Variants in SORBS2 observed in about 807,000 individuals in gnomAD.
SORBS2 encodes sorbin and SH3 domain containing 2.
Under a neutral mutation model 97.7 loss-of-function variants are expected in SORBS2, and 46 were observed. That is an observed-to-expected ratio of 0.47 (90% CI 0.37 to 0.60). The LOEUF (loss-of-function observed/expected upper bound fraction) is 0.60. Among genes scored for constraint, SORBS2 ranks in the 20% least tolerant of loss-of-function variants. The pLI, the probability that SORBS2 is intolerant of heterozygous loss-of-function variation, is 0.00. For synonymous variants in SORBS2, 476 were observed against 473.4 expected, an observed-to-expected ratio of 1.01 and a Z score of -0.07; for missense variants, 1,316 against 1,282.3, an observed-to-expected ratio of 1.03 and a Z score of -0.40.
chr4:185,753,827 C>T (rs2098814999), intron 2 of SORBS2, among the ~76,000 whole-genome samples: 1 of 152,044 alleles, frequency 6.6e-6, no homozygotes, highest in Non-Finnish European at 1.5e-5. Context: ...AAAATTTACC[C>T]CTGAATGCTT....
At chr4:185,797,161 C>A (rs2099108571) in intron 1 of SORBS2, among the ~76,000 whole-genome samples, 2 of 152,222 alleles carry the variant, frequency 1.3e-5, no homozygotes, top group Non-Finnish European at 2.9e-5. Context: ...TCGAGTAGAG[C>A]TGTCTGTGCC....
intron 4 of SORBS2, chr4:185,677,004 C>T: frequency 6.5e-7 from 1 of 1,550,000 alleles, no homozygotes; most frequent in South Asian, 1.2e-5. Flanking sequence ...TACCACTCTG[C>T]AGTCTGAGGA....
chr4:185,952,169 C>G (rs921548441), intron 1 of SORBS2, among the ~76,000 whole-genome samples: 6 of 151,988 alleles, frequency 3.9e-5, no homozygotes, highest in Non-Finnish European at 5.9e-5. Flanking sequence ...GGATCACAGG[C>G]GTGTGCCACC....
intron 4 of SORBS2, 82 bp from the exon 15 acceptor site, chr4:185,638,244 C>G: frequency 5.9e-6 from 5 of 845,888 alleles, no homozygotes; most frequent in Non-Finnish European, 8.0e-6. Flanking sequence ...GAAAAACTCA[C>G]GCGCGCATTG....
chr4:185,941,726 A>T (rs1387097352), intron 1 of SORBS2, among the ~76,000 whole-genome samples: 1 of 152,202 alleles, frequency 6.6e-6, no homozygotes, highest in East Asian at 1.9e-4. Flanking sequence ...AATCTTGCAT[A>T]ACACATTTCA....
At chr4:185,825,603 G>A (rs941576284) in intron 1 of SORBS2, among the ~76,000 whole-genome samples, 3 of 152,104 alleles carry the variant, frequency 2.0e-5, no homozygotes, top group Non-Finnish European at 2.9e-5. Context: ...CATTGATCTA[G>A]GATAAATCAT....
In SORBS2 at chr4:185,616,411, C is replaced by T. The variant is rs1023452258; in HGVS notation, c.2352-1252G>A. Among the ~76,000 whole-genome samples, 6 of 152,340 alleles carry T rather than the reference C, an allele frequency of 3.9e-5. No individual in the cohort carries two copies. In the East Asian group the frequency reaches 1.2e-3, roughly 29 times the overall value. On this transcript the variant is annotated intron_variant, in intron 9 of 14. Transcript: ENST00000418609. ...ATTCATGGAGCTTTACATTCAAATA[C>T]AGTGCTTCCTTCTTTTGTGCAAATG...
At chr4:185,912,350 C>G (rs9995155) in intron 1 of SORBS2, among the ~76,000 whole-genome samples, 2 of 151,840 alleles carry the variant, frequency 1.3e-5, no homozygotes, top group African/African-American at 4.8e-5. Context: ...TTTGGAAGGC[C>G]GAGGCGGGTG....
At chr4:185,601,503 A>G (rs77831165) in intron 12 of SORBS2, among the ~76,000 whole-genome samples, 1,827 of 152,278 alleles carry the variant, frequency 0.012, 44 homozygotes, top group African/African-American at 0.042. Flanking sequence ...ATGAGCCCAC[A>G]TCAGATGGAA....
intron 12 of SORBS2, among the ~76,000 whole-genome samples, chr4:185,601,754 G>A (rs1028660966): frequency 1.3e-5 from 2 of 151,962 alleles, no homozygotes; most frequent in African/African-American, 4.8e-5. Flanking sequence ...GAAAGAGCAC[G>A]TGAACATATT....
At chr4:185,854,751 G>A (rs1011167611) in intron 1 of SORBS2, among the ~76,000 whole-genome samples, 1 of 151,668 alleles carries the variant, frequency 6.6e-6, no homozygotes, top group African/African-American at 2.4e-5. Flanking sequence ...CCACAAGAAA[G>A]AGGAATGAAG....
At chr4:185,753,053 C>T (rs149021222) in intron 2 of SORBS2, among the ~76,000 whole-genome samples, 276 of 152,320 alleles carry the variant, frequency 1.8e-3, no homozygotes, top group African/African-American at 6.1e-3. Flanking sequence ...ATCTCAGAAC[C>T]AGTGACCACG....
chr4:185,770,606 A>G (rs2098964521), intron 2 of SORBS2, among the ~76,000 whole-genome samples: 1 of 152,200 alleles, frequency 6.6e-6, no homozygotes, highest in African/African-American at 2.4e-5. Context: ...TCTGCTTATG[A>G]TAAATAATCC....
intron 1 of SORBS2, among the ~76,000 whole-genome samples, chr4:185,837,521 G>A (rs1035142209): frequency 3.3e-5 from 5 of 152,190 alleles, no homozygotes; most frequent in African/African-American, 9.6e-5. Flanking sequence ...TTAATCAAAT[G>A]CAACTAGGTT....
intron 1 of SORBS2, among the ~76,000 whole-genome samples, chr4:185,870,800 A>G (rs2099230015): frequency 6.6e-6 from 1 of 152,196 alleles, no homozygotes; most frequent in East Asian, 1.9e-4. Context: ...AGTGTCAATC[A>G]AGGATTCCTT....
chr4:185,835,049 A>C (rs1313356337), intron 1 of SORBS2, among the ~76,000 whole-genome samples: 1 of 152,160 alleles, frequency 6.6e-6, no homozygotes, highest in Non-Finnish European at 1.5e-5. Flanking sequence ...GTTATTTAAA[A>C]GTGTGCGGCA....
At chr4:185,621,330 AT>A (rs1442732034) in intron 7 of SORBS2, among the ~76,000 whole-genome samples, 1 of 152,128 alleles carries the variant, frequency 6.6e-6, no homozygotes, top group African/African-American at 2.4e-5. Context: ...AATATAAGCT[AT>A]TTTTCACTTG....
In SORBS2 at chr4:185,805,865, A is replaced by G. The variant is rs151031863; in HGVS notation, c.-337-30499T>C. Among the ~76,000 whole-genome samples the G allele has an allele frequency of 1.6e-3, 249 of 152,328 alleles. 1 individual carries two copies. The highest frequency in any genetic ancestry group is 2.7e-3 in the African/African-American group (113 of 41,586). On this transcript the variant is annotated intron_variant, in intron 1 of 20. Transcript: ENST00000284776. ...TCACCAGATGACACAGTTATAGCAC[A>G]ACAACAGCTGAGGTTATTGTTATCT...
chr4:185,903,835 G>C (rs1444262543), intron 1 of SORBS2, among the ~76,000 whole-genome samples: 1 of 152,168 alleles, frequency 6.6e-6, no homozygotes, highest in African/African-American at 2.4e-5. Context: ...ACTACTGAAT[G>C]GAAGTTATCA....
Sources: allele counts gnomAD v4.1 joint callset (sites outside exome capture counted in the v4.1 genomes callset), GRCh38; gene constraint gnomAD v4.1.1; transcripts MANE v1.5; gene names NCBI Gene and HGNC (gene_info 2026-07-23, HGNC 2026-07-21).